SLC17A1: variants seen among roughly 807,000 people sequenced by gnomAD.
SLC17A1 encodes the protein solute carrier family 17 member 1.
Under a neutral mutation model 53.5 loss-of-function variants are expected in SLC17A1, and 51 were observed. That is an observed-to-expected ratio of 0.95 (90% CI 0.76 to 1.20). SLC17A1 has a LOEUF of 1.20. Among genes scored for constraint, SLC17A1 ranks in the 50% most tolerant of loss-of-function variants. SLC17A1 has a pLI of 0.00. For missense variants in SLC17A1, 538 were observed against 568.2 expected (o/e 0.95, Z 0.54); for synonymous variants, 179 against 198.8 (o/e 0.90, Z 0.84).
At chr6:25,778,360 A>G (rs1763113737), downstream of SLC17A1, among the ~76,000 whole-genome samples, 1 of 151,992 alleles carries the variant, frequency 6.6e-6, no homozygotes, top group African/African-American at 2.4e-5. Context: ...GTAAATCAGA[A>G]AAATAAATGA....
At position 25,819,914 on chromosome 6, in the gene SLC17A1, T is replaced by A; in HGVS notation, c.209A>T (p.Asn70Ile). The A allele has an allele frequency of 6.3e-7, 1 of 1,593,454 alleles. No individual in the cohort carries two copies. The change falls in exon 4 of 13, where the codon AAC becomes ATC. Residue 70 changes from asparagine (N) to isoleucine (I), a missense_variant and splice_region_variant. Asn to Ile is a moderately radical substitution (Grantham distance 149, BLOSUM62 -3). Transcript: ENST00000244527. ...STKKLLDNIK[N>I]PMYNWSPDIQ... ...ATCTGGGCTCCAATTATACATAGGG[T>A]TCTAAAAGACAAGGGGGGACATGTC...
the SLC17A1 span, among the ~76,000 whole-genome samples, chr6:25,762,519 TAAGGGAAAC>T: frequency 6.6e-6 from 1 of 152,212 alleles, no homozygotes; most frequent in Non-Finnish European, 1.5e-5. Context: ...TAATATGCAT[TAAGGGAAAC>T]TGTAGAACAT....
chr6:25,785,908 G>A (rs1049127198), intron 12 of SLC17A1, among the ~76,000 whole-genome samples: 1 of 152,178 alleles, frequency 6.6e-6, no homozygotes, highest in African/African-American at 2.4e-5. Flanking sequence ...GTGGAGAAGA[G>A]TTTGGCAGTC....
At chr6:25,782,791 C>A (rs1216572582), downstream of SLC17A1, 1 of 152,122 alleles carries the variant, frequency 6.6e-6, no homozygotes, top group Non-Finnish European at 1.5e-5. Flanking sequence ...TGTGCTGTTT[C>A]CTTTAAAATG....
intron 6 of SLC17A1, among the ~76,000 whole-genome samples, chr6:25,814,798 A>T (rs934651910): frequency 1.3e-5 from 2 of 152,178 alleles, no homozygotes; most frequent in African/African-American, 4.8e-5. Context: ...AGCCTGGTCA[A>T]CATGGTGAAG....
At chr6:25,779,140 A>G (rs765652564), downstream of SLC17A1, 4 of 1,613,874 alleles carry the variant, frequency 2.5e-6, no homozygotes, top group East Asian at 4.5e-5. Flanking sequence ...TCTTTGGCCG[A>G]GCAGATGTGC....
At chr6:25,757,193 C>T in the SLC17A1 span, among the ~76,000 whole-genome samples, 38 of 152,314 alleles carry the variant, frequency 2.5e-4, no homozygotes, top group Middle Eastern at 3.4e-3. Flanking sequence ...TGCTTACTTA[C>T]CAGCTTTAGT....
At chr6:25,769,114 C>G in the SLC17A1 span, 2 of 1,614,030 alleles carry the variant, frequency 1.2e-6, no homozygotes. Context: ...CCTAGCCAGC[C>G]CAATGCTTCC....
chr6:25,726,863 A>G, the SLC17A1 span: 2 of 1,568,820 alleles, frequency 1.3e-6, no homozygotes, highest in Non-Finnish European at 8.6e-7. Flanking sequence ...AGTGCTGTGT[A>G]ACCCTGGAAA....
intron 12 of SLC17A1, among the ~76,000 whole-genome samples, chr6:25,797,050 C>T (rs942124321): frequency 2.0e-5 from 3 of 152,178 alleles, no homozygotes; most frequent in African/African-American, 7.2e-5. Flanking sequence ...CTTTTTAATT[C>T]TGTCATTGTG....
intron 11 of SLC17A1, among the ~76,000 whole-genome samples, chr6:25,799,995 T>C (rs1763707218): frequency 6.6e-6 from 1 of 152,194 alleles, no homozygotes; most frequent in African/African-American, 2.4e-5. Flanking sequence ...AATGTGGCCA[T>C]GGTGGATGCA....
chr6:25,778,544 T>C (rs1581434064), downstream of SLC17A1, among the ~76,000 whole-genome samples: 1 of 152,154 alleles, frequency 6.6e-6, no homozygotes, highest in Admixed American at 6.5e-5. Context: ...ATTCATTCAA[T>C]AAATATTAAA....
chr6:25,797,561 G>C (rs2151478796), intron 12 of SLC17A1, among the ~76,000 whole-genome samples: 1 of 150,470 alleles, frequency 6.6e-6, no homozygotes, highest in Admixed American at 6.6e-5. Flanking sequence ...TTAAAAATCT[G>C]TTATGTCATT....
intron 12 of SLC17A1, among the ~76,000 whole-genome samples, chr6:25,788,150 G>C (rs1446820557): frequency 6.6e-6 from 1 of 152,066 alleles, no homozygotes; most frequent in Non-Finnish European, 1.5e-5. Context: ...AGCTTTCAGG[G>C]AGGCAAAAAC....
At chr6:25,830,451 C>A (rs1417362199) in intron 2 of SLC17A1, 73 bp downstream of exon 2, 1 of 1,180,070 alleles carries the variant, frequency 8.5e-7, no homozygotes, top group African/African-American at 1.5e-5. Context: ...CAAAAATATT[C>A]TTCCACATGG....
the SLC17A1 span, among the ~76,000 whole-genome samples, chr6:25,753,269 G>A: frequency 1.2e-4 from 19 of 152,316 alleles, no homozygotes; most frequent in African/African-American, 4.3e-4. Context: ...GAACTAGTTG[G>A]AATTTAGTGA....
intron 2 of SLC17A1, 24 bp downstream of exon 2, chr6:25,830,500 T>C (rs765824753): frequency 2.6e-6 from 4 of 1,560,730 alleles, no homozygotes; most frequent in Middle Eastern, 3.4e-4. Flanking sequence ...AACACCTGTT[T>C]AATGGAACAG....
intron 12 of SLC17A1, among the ~76,000 whole-genome samples, chr6:25,788,511 T>A (rs563534567): frequency 7.3e-4 from 111 of 152,258 alleles, no homozygotes; most frequent in African/African-American, 2.6e-3. Flanking sequence ...GAGGATTGTG[T>A]TCATGCAGGA....
At chr6:25,804,013 G>A (rs1581465708) in intron 10 of SLC17A1, among the ~76,000 whole-genome samples, 1 of 152,144 alleles carries the variant, frequency 6.6e-6, no homozygotes, top group East Asian at 1.9e-4. Flanking sequence ...CTAATCATAA[G>A]GATATACTTT....
Sources: allele counts gnomAD v4.1 joint callset (sites outside exome capture counted in the v4.1 genomes callset), GRCh38; gene constraint gnomAD v4.1.1; transcripts MANE v1.5; gene names NCBI Gene and HGNC (gene_info 2026-07-23, HGNC 2026-07-21).